UTRN: variants seen among roughly 807,000 people sequenced by gnomAD.
The protein encoded by UTRN is utrophin, also known as dystrophin-related protein 1.
UTRN carries 283 observed loss-of-function variants against 463.9 expected under a neutral mutation model. The ratio of observed to expected loss-of-function variants is 0.61; its 90% CI spans 0.55 to 0.67. The LOEUF is 0.67. Among genes scored for constraint, UTRN ranks in the 30% least tolerant of loss-of-function variants. The pLI is 0.00. For synonymous variants in UTRN, 1,442 were observed against 1,431.5 expected (o/e 1.01, Z -0.17); for missense variants, 3,922 against 4,084.3 (o/e 0.96, Z 1.08).
intron 51 of UTRN, among the ~76,000 whole-genome samples, chr6:144,595,038 A>G (rs1488452754): frequency 1.3e-5 from 2 of 152,322 alleles, no homozygotes; most frequent in East Asian, 1.9e-4. Context: ...TACTTTTAAT[A>G]GAAATTATTT....
At chr6:144,537,843 C>T (rs2128605043) in intron 44 of UTRN, 126 bp downstream of exon 44, 2 of 1,315,742 alleles carry the variant, frequency 1.5e-6, no homozygotes, top group South Asian at 1.4e-5. Context: ...TGTGGTGAAC[C>T]TGAAAGAGGA....
At chr6:144,494,805 G>A (rs1179840015) in intron 33 of UTRN, among the ~76,000 whole-genome samples, 11 of 152,128 alleles carry the variant, frequency 7.2e-5, no homozygotes, top group African/African-American at 2.4e-4. Context: ...ACAGGGTGCT[G>A]ATTGGTGTGT....
At chr6:144,767,520 A>G (rs1319104428) in intron 58 of UTRN, among the ~76,000 whole-genome samples, 1 of 152,132 alleles carries the variant, frequency 6.6e-6, no homozygotes, top group African/African-American at 2.4e-5. Flanking sequence ...TTACTATAGG[A>G]CCTCAGACAA....
intron 39 of UTRN, among the ~76,000 whole-genome samples, chr6:144,517,669 A>G (rs991599133): frequency 6.6e-6 from 1 of 152,126 alleles, no homozygotes; most frequent in Admixed American, 6.6e-5. Context: ...CTATGTTTAG[A>G]TATGTTTAGA....
At chr6:144,693,334 C>T (rs1177306439) in intron 52 of UTRN, among the ~76,000 whole-genome samples, 1 of 152,116 alleles carries the variant, frequency 6.6e-6, no homozygotes, top group Non-Finnish European at 1.5e-5. Context: ...ATGATGCCTC[C>T]AGCTTTATTC....
chr6:144,514,141 G>A (rs1370528907), intron 36 of UTRN, 104 bp downstream of exon 36: 7 of 1,434,232 alleles, frequency 4.9e-6, no homozygotes, highest in Non-Finnish European at 6.6e-6. Context: ...TTCCTCCCAA[G>A]CATTAGATTC....
intron 71 of UTRN, chr6:144,836,758 C>A (rs1781141811): frequency 1.5e-6 from 1 of 686,430 alleles, no homozygotes; most frequent in African/African-American, 1.8e-5. Flanking sequence ...AATGGAATTT[C>A]CCAGTCTTCT....
In UTRN at chr6:144,483,842, AC is replaced by A. The variant is rs1401077767; in HGVS notation, c.3687+1460del. On this transcript the variant is annotated intron_variant, in intron 27 of 74. Transcript: ENST00000367545. ...ATTTCTCAAGGGTTGTACAACACAT[AC>A]CCCCCTCCAAGAAGAATCTGTGATA... Among the ~76,000 whole-genome samples, 9 of 152,248 alleles carry A rather than the reference AC, an allele frequency of 5.9e-5. No individual in the cohort carries two copies. The East Asian group carries it at 1.4e-3, about 23-fold the overall frequency.
chr6:144,632,399 C>G (rs1277070077), intron 51 of UTRN, among the ~76,000 whole-genome samples: 1 of 152,066 alleles, frequency 6.6e-6, no homozygotes, highest in African/African-American at 2.4e-5. Context: ...AATTGAAGAT[C>G]TGGGAAGTAA....
At chr6:144,337,022 T>C (rs1490812554) in intron 2 of UTRN, among the ~76,000 whole-genome samples, 1 of 152,108 alleles carries the variant, frequency 6.6e-6, no homozygotes, top group Non-Finnish European at 1.5e-5. Flanking sequence ...CAGATCGCTG[T>C]CAGCCACTGG....
chr6:144,510,051 T>C (rs900300227), intron 34 of UTRN, among the ~76,000 whole-genome samples: 2 of 152,194 alleles, frequency 1.3e-5, no homozygotes, highest in Non-Finnish European at 2.9e-5. Context: ...AGTGAGTGTT[T>C]AAACCTGGAC....
chr6:144,554,890 C>T lies in UTRN; in HGVS notation c.7131C>T (p.Asn2377=). 3.1e-6 allele frequency: 5 copies of T among 1,613,840 alleles called. No individual in the cohort carries two copies. Among genetic ancestry groups the T allele is most frequent in the Non-Finnish European group, 4.2e-6 (5 of 1,179,914 alleles). Residue 2377 remains asparagine, a synonymous_variant, in exon 49 of 75, where the codon AAC becomes AAT. Coordinates refer to ENST00000367545, the MANE Select transcript of UTRN (RefSeq NM_007124.3). ...RDPLTKQISD[N]QILLQELGPG... ...CACTCACCAAACAAATTTCTGATAA[C>T]CAAGTAAGACTCATCAGATATTTTT...
rs1418473571 is a variant in UTRN at position 144,754,782 on chromosome 6, T to G, written c.8418T>G (p.Ser2806=). The change falls in exon 57 of 75, where the codon TCT becomes TCG. Residue 2806 remains serine, a synonymous_variant. Transcript: ENST00000367545. ...CCCACAGAGATTTTGGACCATCCTC[T>G]CAGCATTTTCTCTCTAGTAAGTACT... is the stretch of plus-strand genomic sequence containing the variant. ...QEAHRDFGPS[S]QHFLSTSVQL... 6.2e-7 allele frequency: 1 copy of G among 1,613,612 alleles called. No individual in the cohort carries two copies. The highest frequency in any genetic ancestry group is 8.5e-7 in the Non-Finnish European group (1 of 1,179,712).
chr6:144,310,150 A>G (rs1202052531), intron 2 of UTRN, among the ~76,000 whole-genome samples: 2 of 152,276 alleles, frequency 1.3e-5, no homozygotes, highest in African/African-American at 2.4e-5. Context: ...TATGTGCTCA[A>G]TAAATACACG....
At chr6:144,627,028 C>A (rs960818060) in intron 51 of UTRN, among the ~76,000 whole-genome samples, 2 of 152,080 alleles carry the variant, frequency 1.3e-5, no homozygotes, top group African/African-American at 4.8e-5. Flanking sequence ...TATATACAAA[C>A]AAAACACTGA....
intron 9 of UTRN, among the ~76,000 whole-genome samples, chr6:144,433,131 C>T (rs1786055109): frequency 6.6e-6 from 1 of 152,200 alleles, no homozygotes; most frequent in Admixed American, 6.5e-5. Context: ...ATCTTTTCCC[C>T]ACCTTTCCCC....
intron 53 of UTRN, among the ~76,000 whole-genome samples, chr6:144,712,959 T>C (rs1785905360): frequency 6.6e-6 from 1 of 152,204 alleles, no homozygotes; most frequent in South Asian, 2.1e-4. Flanking sequence ...CCTTTTGTGA[T>C]GATACTTAGA....
intron 51 of UTRN, among the ~76,000 whole-genome samples, chr6:144,622,221 CTG>C (rs1430037148): frequency 1.9e-5 from 2 of 106,334 alleles, no homozygotes; most frequent in Non-Finnish European, 3.4e-5. Context: ...CGGAGTCTTG[CTG>C]TGTCGTCCAG....
chr6:144,500,368 A>T (rs1170611509), intron 34 of UTRN, among the ~76,000 whole-genome samples: 1 of 152,096 alleles, frequency 6.6e-6, no homozygotes, highest in African/African-American at 2.4e-5. Context: ...AATGTTAGTG[A>T]TGTTGAGCAT....
Sources: allele counts gnomAD v4.1 joint callset (sites outside exome capture counted in the v4.1 genomes callset), GRCh38; gene constraint gnomAD v4.1.1; transcripts MANE v1.5; gene names NCBI Gene and HGNC (gene_info 2026-07-23, HGNC 2026-07-21).